GPAM: variants seen among roughly 807,000 people sequenced by gnomAD.
The protein encoded by GPAM is glycerol-3-phosphate acyltransferase, mitochondrial.
GPAM carries 56 observed loss-of-function variants against 105.0 expected under a neutral mutation model. The ratio of observed to expected loss-of-function variants is 0.53; its 90% CI spans 0.43 to 0.67. The LOEUF (loss-of-function observed/expected upper bound fraction) is 0.67, where lower values mean the gene tolerates loss of function less well. GPAM is among the 30% of genes least tolerant of loss of function. GPAM has a pLI of 0.00. For missense variants in GPAM, 855 were observed against 989.8 expected (o/e 0.86, Z 1.83); for synonymous variants, 368 against 354.4 (o/e 1.04, Z -0.43).
intron 1 of GPAM, among the ~76,000 whole-genome samples, chr10:112,195,195 GC>G (rs1847709167): frequency 6.6e-6 from 1 of 151,960 alleles, no homozygotes; most frequent in African/African-American, 2.4e-5. Context: ...AATGCATCAT[GC>G]CAAAATGCAC....
intron 20 of GPAM, chr10:112,155,164 G>A (rs1183317999): frequency 5.4e-6 from 1 of 185,336 alleles, no homozygotes; most frequent in South Asian, 1.1e-4. Context: ...TGTGACCTGG[G>A]GTATTTTCCT....
At chr10:112,224,404 G>A in the GPAM span, among the ~76,000 whole-genome samples, 3 of 152,154 alleles carry the variant, frequency 2.0e-5, no homozygotes, top group African/African-American at 4.8e-5. Context: ...TGTCTGCCTT[G>A]TTTCTCCACT....
At chr10:112,204,325 C>G (rs889121806) in intron 1 of GPAM, among the ~76,000 whole-genome samples, 7 of 148,774 alleles carry the variant, frequency 4.7e-5, no homozygotes, top group Non-Finnish European at 8.9e-5. Context: ...CGTCTGGTGA[C>G]ACAAGAGATC....
the GPAM span, among the ~76,000 whole-genome samples, chr10:112,222,507 T>C: frequency 1.3e-5 from 2 of 152,280 alleles, no homozygotes; most frequent in South Asian, 4.1e-4. Flanking sequence ...ATTCAATGAA[T>C]GCCAGATGGG....
Position 112,152,271 on chromosome 10 carries a change from A to G in GPAM, c.*1279T>C. On this transcript the variant is annotated 3_prime_UTR_variant, in exon 22 of 22. Transcript: ENST00000348367. ...ATTACATGATATTTAAAAAATCACC[A>G]TAATTACCATAATAAACCAATAATT... 1.0e-6 allele frequency: 1 copy of G among 981,172 alleles called. No homozygotes were observed. The highest frequency in any genetic ancestry group is 1.2e-6 in the Non-Finnish European group (1 of 826,008). The allele number at this position is 981,172 out of a possible 1,614,324, so 60.8% of individuals were successfully genotyped here.
intron 21 of GPAM, 96 bp downstream of exon 21, chr10:112,154,533 C>T (rs1412076103): frequency 1.3e-5 from 12 of 903,916 alleles, no homozygotes; most frequent in South Asian, 8.2e-5. Flanking sequence ...CTGCTTCTCT[C>T]GGGGTCCACC....
At chr10:112,173,643 A>G (rs927278913) in intron 7 of GPAM, 56 bp downstream of exon 7, 2 of 1,541,708 alleles carry the variant, frequency 1.3e-6, no homozygotes, top group African/African-American at 1.4e-5. Flanking sequence ...ATTCAGTCTT[A>G]TTTGCTCAAA....
At chr10:112,160,191 T>C (rs2133232879) in intron 16 of GPAM, 138 bp from the exon 17 acceptor site, 1 of 967,392 alleles carries the variant, frequency 1.0e-6, no homozygotes, top group Non-Finnish European at 1.6e-6. Context: ...GTAAATCCCA[T>C]AAGACTAAAT....
intron 1 of GPAM, among the ~76,000 whole-genome samples, chr10:112,212,996 G>T (rs1847929320): frequency 6.6e-6 from 1 of 152,220 alleles, no homozygotes; most frequent in Admixed American, 6.5e-5. Flanking sequence ...AGCTGATCTT[G>T]ACAGGGAGAA....
At position 112,164,539 on chromosome 10, in the gene GPAM, A is replaced by G. The variant is rs1418861647; in HGVS notation, c.1293T>C (p.Ala431=). Residue 431 remains alanine, a synonymous_variant, in exon 13 of 22, where the codon GCT becomes GCC. Transcript: ENST00000348367. ...ACAAATTTTACCTTGAAGGAAGTAT[A>G]GCTGGTAACAACGCTTGCTCCAGGG... The part of the protein sequence containing the change: ...LLSLEQALLP[A]ILPSRPSDAA... 4 of 1,575,158 alleles carry G rather than the reference A, an allele frequency of 2.5e-6. No homozygotes were observed. The South Asian group carries it at 4.4e-5, about 17-fold the overall frequency.
chr10:112,184,812 G>T (rs1261026436), upstream of GPAM, among the ~76,000 whole-genome samples: 1 of 152,198 alleles, frequency 6.6e-6, no homozygotes, highest in Non-Finnish European at 1.5e-5. Flanking sequence ...TATCAGAAAG[G>T]AGAAAGCTAC....
chr10:112,172,172 C>T lies in GPAM; in HGVS notation c.794+10G>A, dbSNP rs756701270. ...TTAATTCCTTAAATTCCAAAATAAG[C>T]TCATCTTACCTGAAGATTGGGATGT... On this transcript the variant is annotated intron_variant, in intron 9 of 21. Transcript: ENST00000348367. 5 of 1,592,666 alleles carry T rather than the reference C, an allele frequency of 3.1e-6. No individual in the cohort carries two copies. Among genetic ancestry groups the T allele is most frequent in the South Asian group, 1.1e-5 (1 of 90,504 alleles).
rs189676979 is a variant in GPAM, at chr10:112,173,702, A to G, written c.557T>C (p.Ile186Thr). The change falls in exon 7 of 22, where the codon ATC (isoleucine) becomes ACC (threonine). Residue 186 changes from isoleucine (I) to threonine (T), a missense_variant. Ile to Thr is a moderately conservative substitution (Grantham distance 89, BLOSUM62 -1). Coordinates refer to ENST00000348367, the MANE Select transcript of GPAM (RefSeq NM_001244949.2). ...TTTCTGCCTTGCCTTTTAATACCTG[A>G]TCATTGCCGGTGAGACAGTGGCAAC... ...EMVATVSPAM[I>T]RLTGWVLLKL... 3 of 1,613,724 alleles carry G rather than the reference A, an allele frequency of 1.9e-6. No individual in the cohort carries two copies. Among genetic ancestry groups the G allele is most frequent in the African/African-American group, 1.3e-5 (1 of 74,918 alleles).
At chr10:112,194,153 G>A (rs964007008) in intron 1 of GPAM, among the ~76,000 whole-genome samples, 15 of 152,180 alleles carry the variant, frequency 9.9e-5, no homozygotes, top group Admixed American at 6.5e-4. Flanking sequence ...ACATGCCTTC[G>A]TGTTTGCCAA....
chr10:112,185,761 A>G (rs941129356), upstream of GPAM, among the ~76,000 whole-genome samples: 1 of 152,154 alleles, frequency 6.6e-6, no homozygotes, highest in African/African-American at 2.4e-5. Context: ...TGACAGAGCG[A>G]GACTCTGTCT....
At chr10:112,214,866 G>A (rs899604251) in intron 1 of GPAM, among the ~76,000 whole-genome samples, 1 of 152,184 alleles carries the variant, frequency 6.6e-6, no homozygotes, top group Non-Finnish European at 1.5e-5. Flanking sequence ...ATTTCATGGA[G>A]GCCAAAAGAG....
intron 1 of GPAM, among the ~76,000 whole-genome samples, chr10:112,208,991 C>T (rs1217105562): frequency 1.3e-5 from 2 of 152,144 alleles, no homozygotes; most frequent in Non-Finnish European, 2.9e-5. Context: ...AGATTTGAGA[C>T]CCAGCTGGAA....
intron 17 of GPAM, 94 bp from the exon 18 acceptor site, chr10:112,158,487 T>A: frequency 1.3e-6 from 1 of 790,972 alleles, no homozygotes; most frequent in Non-Finnish European, 2.2e-6. Context: ...GCCAAAGCCT[T>A]CCATTCTGTT....
At chr10:112,165,054 A>C (rs1453368349) in intron 12 of GPAM, among the ~76,000 whole-genome samples, 1 of 152,198 alleles carries the variant, frequency 6.6e-6, no homozygotes, top group Non-Finnish European at 1.5e-5. Flanking sequence ...TTAAAAAATA[A>C]AGAGAAAGAA....
Sources: allele counts gnomAD v4.1 joint callset (sites outside exome capture counted in the v4.1 genomes callset), GRCh38; gene constraint gnomAD v4.1.1; transcripts MANE v1.5; gene names NCBI Gene and HGNC (gene_info 2026-07-23, HGNC 2026-07-21).